The following GLDC variants were observed in gnomAD, a reference collection of about 807,000 sequenced individuals.
GLDC encodes glycine decarboxylase.
A neutral mutation model predicts 121.3 loss-of-function variants in GLDC; 104 were observed. That is an observed-to-expected ratio of 0.86 (90% confidence interval 0.73 to 1.01). The LOEUF is 1.01. Ranked by LOEUF, GLDC falls within the 50% of genes least tolerant of loss-of-function variation. The pLI is 0.00. For missense variants in GLDC, 1,429 were observed against 1,306.6 expected, an observed-to-expected ratio of 1.09 and a Z score of -1.44; for synonymous variants, 546 against 480.6, an observed-to-expected ratio of 1.14 and a Z score of -1.78.
chr9:6,586,314 TAA>T (rs1818271501), intron 15 of GLDC, among the ~76,000 whole-genome samples: 1 of 151,864 alleles, frequency 6.6e-6, no homozygotes, highest in Admixed American at 6.6e-5. Context: ...AATAAATAAA[TAA>T]AAATAAAAAT....
intron 6 of GLDC, 151 bp downstream of exon 6, chr9:6,604,980 T>G (rs1563856913): frequency 1.1e-6 from 1 of 933,664 alleles, no homozygotes; most frequent in Admixed American, 1.9e-5. Context: ...CAGAAAAAAG[T>G]AGCAGCAAGG....
chr9:6,631,020 G>T (rs1386167081), intron 2 of GLDC, among the ~76,000 whole-genome samples: 1 of 152,156 alleles, frequency 6.6e-6, no homozygotes, highest in African/African-American at 2.4e-5. Context: ...CAATCCATAC[G>T]CTACGCTCTG....
rs1587931125 is a variant in GLDC at position 6,564,722 on chromosome 9, C to A, written c.1926+632G>T. On this transcript the variant is annotated intron_variant, in intron 16 of 24. Coordinates refer to ENST00000321612, the MANE Select transcript of GLDC (RefSeq NM_000170.3). Reference sequence around the variant, plus strand: ...CTGAGTTAGGCCACTGCTACAGGCACTGCCCCTGGGGGGAGCGAGTGGTGT... The same window carrying A: ...CTGAGTTAGGCCACTGCTACAGGCAATGCCCCTGGGGGGAGCGAGTGGTGT... Among the ~76,000 whole-genome samples, 3 of 152,240 alleles carry A rather than the reference C, an allele frequency of 2.0e-5. No homozygotes were observed. In the East Asian group the frequency reaches 5.8e-4, roughly 29 times the overall value.
intron 2 of GLDC, among the ~76,000 whole-genome samples, chr9:6,640,361 C>T (rs1360571843): frequency 2.0e-5 from 3 of 152,242 alleles, no homozygotes; most frequent in Non-Finnish European, 4.4e-5. Flanking sequence ...TGGCAATGGG[C>T]ATCATCTGGC....
intron 23 of GLDC, among the ~76,000 whole-genome samples, chr9:6,535,104 T>C (rs1452118535): frequency 6.6e-6 from 1 of 152,198 alleles, no homozygotes; most frequent in East Asian, 1.9e-4. Context: ...ACCACTCTTC[T>C]GAATTCGGTG....
rs766368793 is a variant in GLDC, at chr9:6,554,753, C to A, written c.2231G>T (p.Gly744Val). The A allele has an allele frequency of 6.2e-7, 1 of 1,613,432 alleles. No homozygotes were observed. Among genetic ancestry groups the A allele is most frequent in the Non-Finnish European group, 8.5e-7 (1 of 1,179,824 alleles). ...QVGICRPGDF[G>V]SDVSHLNLHK... ...AAGATTTAGGTGCGAGACATCAGAC[C>A]CGAAGTCTCCAGGGCGACAGATTCC... Residue 744 changes from glycine to valine, a missense_variant, in exon 19 of 25, where the codon GGG (glycine) becomes GTG (valine). Gly to Val is a moderately radical substitution (Grantham distance 109). Transcript: ENST00000321612.
chr9:6,642,310 A>G (rs1306991605), intron 2 of GLDC, among the ~76,000 whole-genome samples: 1 of 152,124 alleles, frequency 6.6e-6, no homozygotes, highest in Non-Finnish European at 1.5e-5. Context: ...TGGGTGGATC[A>G]CCTGAGGTCA....
intron 24 of GLDC, among the ~76,000 whole-genome samples, chr9:6,534,382 A>C (rs2129644046): frequency 1.3e-5 from 2 of 149,716 alleles, no homozygotes; most frequent in Middle Eastern, 3.4e-3. Flanking sequence ...CTTCTCCTCC[A>C]TATAAGAATC....
intron 11 of GLDC, 68 bp downstream of exon 11, chr9:6,592,075 G>A: frequency 1.1e-6 from 1 of 949,792 alleles, no homozygotes; most frequent in Non-Finnish European, 1.7e-6. Context: ...TCACACTCAG[G>A]GGATAAGCTA....
chr9:6,605,015 T>A (rs1818700885), intron 6 of GLDC, 116 bp downstream of exon 6: 1 of 1,113,012 alleles, frequency 9.0e-7, no homozygotes, highest in African/African-American at 1.5e-5. Flanking sequence ...GTTTTACCAT[T>A]CCATGTGATA....
At chr9:6,592,082 G>A (rs1818385191) in intron 11 of GLDC, 61 bp downstream of exon 11, 3 of 1,005,676 alleles carry the variant, frequency 3.0e-6, no homozygotes, top group Admixed American at 3.4e-5. Context: ...CAGGGGATAA[G>A]CTACTTTTGC....
intron 2 of GLDC, among the ~76,000 whole-genome samples, chr9:6,621,385 G>A (rs1819090612): frequency 6.6e-6 from 1 of 152,114 alleles, no homozygotes; most frequent in Admixed American, 6.5e-5. Flanking sequence ...ACAGCCTAGG[G>A]TACTGAGGAT....
intron 15 of GLDC, 150 bp from the exon 16 acceptor site, chr9:6,565,579 C>T (rs147643940): frequency 1.1e-5 from 8 of 723,668 alleles, no homozygotes; most frequent in Non-Finnish European, 1.8e-5. Flanking sequence ...AGGAGCTCTG[C>T]TGGAGTCAAA....
intron 1 of GLDC, chr9:6,644,900 G>T: frequency 1.6e-6 from 1 of 628,744 alleles, no homozygotes; most frequent in East Asian, 2.7e-5. Context: ...CTCGGGGTTG[G>T]ATTTCAGTTG....
intron 3 of GLDC, 31 bp from the exon 4 acceptor site, chr9:6,610,387 C>G: frequency 1.9e-6 from 3 of 1,611,350 alleles, no homozygotes; most frequent in Non-Finnish European, 2.5e-6. Flanking sequence ...CTTGTCCAAA[C>G]TGACTGCTGT....
At chr9:6,645,175 G>T in intron 1 of GLDC, 70 bp downstream of exon 1, 1 of 1,439,756 alleles carries the variant, frequency 6.9e-7, no homozygotes, top group Non-Finnish European at 9.3e-7. Flanking sequence ...GGTAGGAGCC[G>T]GGAGGCCGCG....
chr9:6,572,352 G>T (rs1817984182), intron 15 of GLDC, among the ~76,000 whole-genome samples: 1 of 152,216 alleles, frequency 6.6e-6, no homozygotes, highest in Non-Finnish European at 1.5e-5. Context: ...GTGCTTAAAA[G>T]TACGAAGGAG....
chr9:6,547,560 C>A (rs1563832223), intron 21 of GLDC, among the ~76,000 whole-genome samples: 1 of 152,020 alleles, frequency 6.6e-6, no homozygotes, highest in Non-Finnish European at 1.5e-5. Flanking sequence ...AAAATTGAAG[C>A]CATACATGTC....
intron 4 of GLDC, among the ~76,000 whole-genome samples, chr9:6,608,770 A>G (rs1054291630): frequency 1.3e-5 from 2 of 150,756 alleles, no homozygotes; most frequent in African/African-American, 4.9e-5. Context: ...ATTAATAAAT[A>G]ATAAATAAAT....
Sources: gnomAD v4.1 joint callset for allele counts (sites outside exome capture counted in the v4.1 genomes callset) on GRCh38, gnomAD v4.1.1 for gene constraint, MANE v1.5 for transcripts, NCBI Gene and HGNC (gene_info 2026-07-23, HGNC 2026-07-21) for gene names.